The following LGR5 variants were observed in gnomAD, a reference collection of about 807,000 sequenced individuals.
LGR5 encodes leucine-rich repeat-containing G protein-coupled receptor 5.
LGR5 carries 54 observed loss-of-function variants against 76.7 expected under a neutral mutation model. The ratio of observed to expected loss-of-function variants is 0.70; its 90% CI spans 0.57 to 0.88. The LOEUF is 0.88. Among genes scored for constraint, LGR5 ranks in the 40% least tolerant of loss-of-function variants. LGR5 has a pLI of 0.00. For missense variants in LGR5, 1,078 were observed against 1,073.3 expected (o/e 1.00, Z -0.06); for synonymous variants, 406 against 421.9 (o/e 0.96, Z 0.46).
chr12:71,491,753 A>G (rs1211184422), intron 1 of LGR5, among the ~76,000 whole-genome samples: 1 of 149,334 alleles, frequency 6.7e-6, no homozygotes, highest in Non-Finnish European at 1.5e-5. Flanking sequence ...CTTCTTATCA[A>G]GTGAAATGCT....
rs562110860 is a variant in LGR5 at position 71,574,937 on chromosome 12, G to A, written c.1208+2016G>A. The stretch of plus-strand genomic sequence containing the variant: ...CTGAAAACAATAAGAACTTTTTCAG[G>A]TTCCCATAAATTAAAATTTCAGTAA... On this transcript the variant is annotated intron_variant, in intron 13 of 17. Coordinates refer to ENST00000266674, the MANE Select transcript of LGR5 (RefSeq NM_003667.4). 8.5e-5 allele frequency among the ~76,000 whole-genome samples: 13 copies of A among 152,276 alleles called. No homozygotes were observed. In the South Asian group the frequency reaches 2.7e-3, roughly 32 times the overall value.
At chr12:71,520,633 C>T (rs899088130) in intron 2 of LGR5, among the ~76,000 whole-genome samples, 7 of 150,596 alleles carry the variant, frequency 4.6e-5, no homozygotes, top group Non-Finnish European at 8.8e-5. Flanking sequence ...AATCAAACAA[C>T]GCATGTTCTC....
At chr12:71,538,832 C>T (rs752457908) in intron 4 of LGR5, among the ~76,000 whole-genome samples, 7 of 151,720 alleles carry the variant, frequency 4.6e-5, no homozygotes, top group Non-Finnish European at 7.4e-5. Flanking sequence ...CACTCCAGCC[C>T]GGGCAATAGA....
chr12:71,495,019 AC>A (rs1432726417), intron 1 of LGR5, among the ~76,000 whole-genome samples: 1 of 150,878 alleles, frequency 6.6e-6, no homozygotes, highest in Non-Finnish European at 1.5e-5. Context: ...CTCAGCAGGT[AC>A]CTTTTGCCTG....
chr12:71,571,337 G>A, intron 11 of LGR5, 177 bp from the exon 12 acceptor site: 1 of 461,602 alleles, frequency 2.2e-6, no homozygotes, highest in South Asian at 5.0e-5. Flanking sequence ...GTAAACATTT[G>A]AATCTACTGG....
rs138914649 is a variant in LGR5 at position 71,463,014 on chromosome 12, T to C, written c.212+22722T>C. 3.1e-3 allele frequency among the ~76,000 whole-genome samples: 475 copies of C among 152,358 alleles called. 3 individuals are homozygous for C. Among genetic ancestry groups the C allele is most frequent in the African/African-American group, 0.011 (443 of 41,580 alleles). On this transcript the variant is annotated intron_variant, in intron 1 of 17. Coordinates refer to ENST00000266674, the MANE Select transcript of LGR5 (RefSeq NM_003667.4). ...AGACAAATGCCCTTACAAGTTAGTATAAAAACTTCAACTGTGATTGTATTT... is the reference window on the plus strand; with the variant it reads ...AGACAAATGCCCTTACAAGTTAGTACAAAAACTTCAACTGTGATTGTATTT...
intron 1 of LGR5, among the ~76,000 whole-genome samples, chr12:71,464,575 A>C (rs998575656): frequency 2.0e-5 from 3 of 152,220 alleles, no homozygotes; most frequent in Non-Finnish European, 4.4e-5. Flanking sequence ...GAGACAAAAA[A>C]ATGAACTGAG....
intron 6 of LGR5, among the ~76,000 whole-genome samples, chr12:71,558,799 G>A (rs550508154): frequency 2.5e-4 from 38 of 152,232 alleles, no homozygotes; most frequent in Middle Eastern, 6.8e-3. Flanking sequence ...TTTTTCATAC[G>A]AAGATCTAGA....
chr12:71,556,521 C>T (rs1481902888), intron 5 of LGR5, 98 bp from the exon 6 acceptor site: 13 of 809,940 alleles, frequency 1.6e-5, no homozygotes, highest in Admixed American at 3.8e-5. Flanking sequence ...ATAAGTAGTG[C>T]ATTCTTCAGT....
intron 4 of LGR5, among the ~76,000 whole-genome samples, chr12:71,548,387 CT>C (rs1319687944): frequency 2.6e-5 from 4 of 151,230 alleles, no homozygotes; most frequent in African/African-American, 9.7e-5. Flanking sequence ...AGGGTGACTT[CT>C]ATAAGTCTAA....
At chr12:71,502,507 C>T (rs1024524109) in intron 1 of LGR5, among the ~76,000 whole-genome samples, 1 of 152,068 alleles carries the variant, frequency 6.6e-6, no homozygotes, top group Non-Finnish European at 1.5e-5. Flanking sequence ...CAGGTACTTT[C>T]CTTTTTAAGA....
intron 6 of LGR5, 50 bp downstream of exon 6, chr12:71,556,740 T>C: frequency 7.1e-7 from 1 of 1,399,750 alleles, no homozygotes; most frequent in Non-Finnish European, 1.0e-6. Context: ...TTCATGAATA[T>C]TCTGAAGAAT....
intron 1 of LGR5, among the ~76,000 whole-genome samples, chr12:71,476,264 T>A (rs1873331390): frequency 6.6e-6 from 1 of 152,186 alleles, no homozygotes; most frequent in Non-Finnish European, 1.5e-5. Flanking sequence ...TCTTCCTAAC[T>A]AATGGAAAAT....
intron 6 of LGR5, among the ~76,000 whole-genome samples, chr12:71,557,452 A>G (rs1371781082): frequency 6.6e-6 from 1 of 152,226 alleles, no homozygotes; most frequent in Non-Finnish European, 1.5e-5. Context: ...AGGTAAAGTT[A>G]TTACATATCT....
chr12:71,584,794 T>C lies in LGR5; in HGVS notation c.*60T>C. 1.3e-6 allele frequency: 2 copies of C among 1,505,950 alleles called. No individual in the cohort carries two copies. The highest frequency in any genetic ancestry group is 1.8e-6 in the Non-Finnish European group (2 of 1,112,012). 93.3% of individuals were successfully genotyped at this position (1,505,950 alleles called of 1,614,324 possible). A position where few individuals can be genotyped will look rare whatever the true frequency, so the allele number is the denominator to read the frequency against. ...GAACCTGAAAATGTGAGATTGAGTA[T>C]ATCAGAGCAGTAATTAATAAGAAGA... On this transcript the variant is annotated 3_prime_UTR_variant, in exon 18 of 18. Transcript: ENST00000266674.
rs770857568 is a variant in LGR5 at position 71,440,330 on chromosome 12, A to G, written c.212+38A>G. On this transcript the variant is annotated intron_variant, in intron 1 of 17. Coordinates refer to ENST00000266674, the MANE Select transcript of LGR5 (RefSeq NM_003667.4). The surrounding 1 kb of genome is among the most constrained non-coding windows in gnomAD (Gnocchi z 5.3). The stretch of plus-strand genomic sequence containing the variant: ...CCACGTCACTCCGGGAGAGAGACTA[A>G]GAGGGGAAGGAAGGTTCGTCCAAGG... 1 of 1,581,592 alleles carries G rather than the reference A, an allele frequency of 6.3e-7. No homozygotes were observed. Among genetic ancestry groups the G allele is most frequent in the African/African-American group, 1.3e-5 (1 of 74,426 alleles).
Position 71,566,915 on chromosome 12 carries a change from G to A in LGR5, c.1070+3G>A, listed in dbSNP as rs1237154888. The A allele has an allele frequency of 6.2e-7, 1 of 1,607,076 alleles. No individual in the cohort carries two copies. Among genetic ancestry groups the A allele is most frequent in the East Asian group, 2.2e-5 (1 of 44,824 alleles). ...CAGTTACCTAATCTCCAAGTGCTGT[G>A]CGTATCAGTAAGGCAATAATGTTGT... On this transcript the variant is annotated splice_donor_region_variant and intron_variant, in intron 11 of 17. Coordinates refer to ENST00000266674, the MANE Select transcript of LGR5 (RefSeq NM_003667.4).
At chr12:71,496,499 T>A (rs35583341) in intron 1 of LGR5, among the ~76,000 whole-genome samples, 13,605 of 152,072 alleles carry the variant, frequency 0.089, 655 homozygotes, top group Non-Finnish European at 0.11. Flanking sequence ...TAAATTGATA[T>A]AACCACTTTA....
intron 1 of LGR5, among the ~76,000 whole-genome samples, chr12:71,451,929 G>C (rs966006849): frequency 2.6e-5 from 4 of 151,850 alleles, no homozygotes; most frequent in Non-Finnish European, 4.4e-5. Context: ...CCTTTCCCAG[G>C]CTCTTTCAGG....
Sources: gnomAD v4.1 joint callset for allele counts (sites outside exome capture counted in the v4.1 genomes callset) on GRCh38, gnomAD v4.1.1 for gene constraint, Gnocchi (gnomAD v3.1) non-coding constraint, MANE v1.5 for transcripts, NCBI Gene and HGNC (gene_info 2026-07-23, HGNC 2026-07-21) for gene names.